MARK1: variants seen among roughly 807,000 people sequenced by gnomAD.
MARK1 encodes serine/threonine-protein kinase MARK1.
In MARK1, 40 loss-of-function variants were observed where a neutral mutation model predicts 96.3. The observed-to-expected ratio is 0.42, with a 90% CI of 0.32 to 0.54. The LOEUF (loss-of-function observed/expected upper bound fraction) is 0.54. Ranked by LOEUF, MARK1 falls within the 20% of genes least tolerant of loss-of-function variation. MARK1 has a pLI of 0.16. For missense variants in MARK1, 719 were observed against 984.6 expected (o/e 0.73, Z 3.61); for synonymous variants, 317 against 341.2 (o/e 0.93, Z 0.78).
At chr1:220,598,592 C>T (rs1665533873) in intron 4 of MARK1, among the ~76,000 whole-genome samples, 1 of 151,664 alleles carries the variant, frequency 6.6e-6, no homozygotes, top group South Asian at 2.1e-4. Context: ...TTGCTGTTTT[C>T]TGCTACCTTG....
intron 1 of MARK1, among the ~76,000 whole-genome samples, chr1:220,577,173 C>T (rs1257793888): frequency 6.6e-6 from 1 of 152,040 alleles, no homozygotes; most frequent in Non-Finnish European, 1.5e-5. Context: ...CCCAGCTACT[C>T]AAGAGGCTGA....
intron 1 of MARK1, among the ~76,000 whole-genome samples, chr1:220,575,388 G>A (rs182706602): frequency 3.7e-4 from 57 of 152,286 alleles, no homozygotes; most frequent in South Asian, 8.3e-4. Context: ...ACAGCCTTAG[G>A]ATTGAGGTAG....
In MARK1 at chr1:220,654,114, T is replaced by C. The variant is rs954040854; in HGVS notation, c.1988+762T>C. 1.3e-5 allele frequency among the ~76,000 whole-genome samples: 2 copies of C among 152,176 alleles called. No homozygotes were observed. The highest frequency in any genetic ancestry group is 2.4e-5 in the African/African-American group (1 of 41,440). On this transcript the variant is annotated intron_variant, in intron 16 of 17. Coordinates refer to ENST00000366917, the MANE Select transcript of MARK1 (RefSeq NM_018650.5). This position sits in a 1 kb window ranked among gnomAD's most constrained non-coding sequence, Gnocchi z 4.0. ...GGCATCTGTGCCCTCCAGATTCTTA[T>C]AGTCTTGTAAGAAGCAGACAAACAA... is the stretch of plus-strand genomic sequence containing the variant.
chr1:220,577,225 C>T (rs1453136758), intron 1 of MARK1, among the ~76,000 whole-genome samples: 1 of 152,082 alleles, frequency 6.6e-6, no homozygotes, highest in African/African-American at 2.4e-5. Flanking sequence ...AGTGATCGTG[C>T]CACTGCACTC....
Position 220,549,180 on chromosome 1 carries a change from T to A in MARK1, c.51+20307T>A, listed in dbSNP as rs1377039893. The stretch of plus-strand genomic sequence containing the variant: ...AAGAGCACAAGCTTTGAAGCTCAAG[T>A]CCTTGGGTTCAAATCCTAGCTCTAG... On this transcript the variant is annotated intron_variant, in intron 1 of 17. Coordinates refer to ENST00000366917, the MANE Select transcript of MARK1 (RefSeq NM_018650.5). Among the ~76,000 whole-genome samples the A allele has an allele frequency of 3.9e-5, 6 of 152,202 alleles. No homozygotes were observed. The East Asian group carries it at 1.2e-3, about 29-fold the overall frequency.
At chr1:220,578,505 T>C (rs1664022835) in intron 1 of MARK1, among the ~76,000 whole-genome samples, 1 of 152,172 alleles carries the variant, frequency 6.6e-6, no homozygotes, top group Admixed American at 6.5e-5. Context: ...TAGCTTTCAC[T>C]TGGACATGAT....
At chr1:220,537,047 T>C (rs574505505) in intron 1 of MARK1, among the ~76,000 whole-genome samples, 1 of 152,156 alleles carries the variant, frequency 6.6e-6, no homozygotes, top group South Asian at 2.1e-4. Context: ...GTTACATAGG[T>C]AAACATGTGG....
intron 1 of MARK1, among the ~76,000 whole-genome samples, chr1:220,544,804 A>AGG (rs1257877145): frequency 5.3e-4 from 80 of 152,362 alleles, no homozygotes; most frequent in African/African-American, 1.9e-3. Flanking sequence ...AGGTTTAACA[A>AGG]GACTACCTTT....
At chr1:220,619,430 C>T (rs560663171) in intron 9 of MARK1, among the ~76,000 whole-genome samples, 2 of 152,092 alleles carry the variant, frequency 1.3e-5, no homozygotes, top group East Asian at 1.9e-4. Context: ...GCCAAGATCA[C>T]GCCACTGCAC....
intron 1 of MARK1, among the ~76,000 whole-genome samples, chr1:220,577,275 A>T (rs1007889024): frequency 5.3e-5 from 8 of 151,790 alleles, no homozygotes; most frequent in Admixed American, 1.3e-4. Flanking sequence ...TCAGGAAGAA[A>T]AAAAAAAAGA....
At chr1:220,539,617 C>G (rs1437107630) in intron 1 of MARK1, among the ~76,000 whole-genome samples, 1 of 152,074 alleles carries the variant, frequency 6.6e-6, no homozygotes, top group East Asian at 1.9e-4. Flanking sequence ...TTTTCTGCAT[C>G]TATTGAGATG....
At chr1:220,601,513 C>G (rs555752015) in intron 5 of MARK1, among the ~76,000 whole-genome samples, 1 of 152,054 alleles carries the variant, frequency 6.6e-6, no homozygotes, top group Non-Finnish European at 1.5e-5. Context: ...ATTTTTATGT[C>G]CTTCAGTTAG....
intron 3 of MARK1, among the ~76,000 whole-genome samples, chr1:220,596,157 G>C (rs1317018895): frequency 6.6e-6 from 1 of 152,174 alleles, no homozygotes; most frequent in African/African-American, 2.4e-5. Flanking sequence ...TAAATCATTA[G>C]GAGAAACATG....
chr1:220,646,065 C>T (rs552241679), intron 13 of MARK1, among the ~76,000 whole-genome samples: 15 of 152,226 alleles, frequency 9.9e-5, no homozygotes, highest in African/African-American at 3.4e-4. Flanking sequence ...CCAGGGCAAT[C>T]AGGCAAGAGA....
chr1:220,541,979 C>G (rs1281183421), intron 1 of MARK1, among the ~76,000 whole-genome samples: 1 of 152,116 alleles, frequency 6.6e-6, no homozygotes, highest in Non-Finnish European at 1.5e-5. Flanking sequence ...TGCTGTATTC[C>G]TATGTGTTTC....
intron 6 of MARK1, among the ~76,000 whole-genome samples, chr1:220,610,760 T>C (rs990464637): frequency 1.3e-5 from 2 of 152,212 alleles, no homozygotes; most frequent in African/African-American, 4.8e-5. Context: ...TTTTGGTTGA[T>C]GTTGATGCTA....
chr1:220,614,904 T>C (rs1422315064), intron 6 of MARK1, among the ~76,000 whole-genome samples: 5 of 152,196 alleles, frequency 3.3e-5, no homozygotes, highest in African/African-American at 4.8e-5. Flanking sequence ...AAGTTTTTTT[T>C]CCACCCATAT....
At chr1:220,635,574 C>A (rs1452161376) in intron 12 of MARK1, 45 bp downstream of exon 12, 1 of 1,580,448 alleles carries the variant, frequency 6.3e-7, no homozygotes, top group Non-Finnish European at 8.6e-7. Flanking sequence ...CGGGTTCTTC[C>A]CAAATTTGTG....
At chr1:220,556,413 G>GT (rs935144164) in intron 1 of MARK1, among the ~76,000 whole-genome samples, 2 of 126,254 alleles carry the variant, frequency 1.6e-5, no homozygotes, top group African/African-American at 6.0e-5. Flanking sequence ...TTCATGACTT[G>GT]TTTTTGCTAG....
Sources: gnomAD v4.1 joint callset for allele counts (sites outside exome capture counted in the v4.1 genomes callset) on GRCh38, gnomAD v4.1.1 for gene constraint, Gnocchi (gnomAD v3.1) non-coding constraint, MANE v1.5 for transcripts, NCBI Gene and HGNC (gene_info 2026-07-23, HGNC 2026-07-21) for gene names.